The following ATG2A variants were observed in gnomAD, a reference collection of about 807,000 sequenced individuals.
The protein encoded by ATG2A is autophagy-related protein 2 homolog A.
ATG2A carries 103 observed loss-of-function variants against 214.2 expected under a neutral mutation model. The ratio of observed to expected loss-of-function variants is 0.48; its 90% confidence interval spans 0.41 to 0.57. The LOEUF is 0.57. ATG2A is among the 20% of genes least tolerant of loss of function. The probability of loss-of-function intolerance (pLI) is 0.00; values close to 1 mark genes in which losing one functional copy is unlikely to be tolerated. For synonymous variants in ATG2A, 1,160 were observed against 1,142.1 expected (o/e 1.02, Z -0.32); for missense variants, 2,312 against 2,613.2 (o/e 0.88, Z 2.51).
At chr11:64,905,698 G>C (rs1290989710) in intron 23 of ATG2A, 43 bp from the exon 24 acceptor site, 26 of 1,613,584 alleles carry the variant, frequency 1.6e-5, no homozygotes, top group Non-Finnish European at 1.9e-5. Context: ...TTACACCTGA[G>C]AGCCCATCCC....
rs778595756 is a variant in ATG2A, at chr11:64,902,699, G to A, written c.3613-19C>T. On this transcript the variant is annotated intron_variant, in intron 26 of 40. Transcript: ENST00000377264. The stretch of plus-strand genomic sequence containing the variant: ...GCTGGCTCTGCAGGGGCGGGGTGGG[G>A]GGAGCAGCTATGTGAACACAGGGGC... The A allele has an allele frequency of 3.6e-5, 58 of 1,602,102 alleles. No individual in the cohort carries two copies. The African/African-American group carries it at 7.3e-4, about 20-fold the overall frequency.
At chr11:64,897,018 T>G in intron 37 of ATG2A, 149 bp from the exon 38 acceptor site, 1 of 1,122,906 alleles carries the variant, frequency 8.9e-7, no homozygotes, top group Non-Finnish European at 1.2e-6. Flanking sequence ...GCAGAGGGAC[T>G]GTGTCCTTTT....
Position 64,902,138 on chromosome 11 carries a change from G to C in ATG2A, c.3943C>G (p.Leu1315Val). ...LPQASPISVY[L>V]FPGERSGAPP... ...GCCCCACTCCGTTCACCTGGGAATA[G>C]GTAGACGGAGATGGGCGACGCCTGA... The change falls in exon 29 of 41, where the codon CTA (leucine) becomes GTA (valine). Residue 1315 changes from leucine to valine, a missense_variant. Physicochemically the swap from Leu to Val is conservative, Grantham distance 32. Coordinates refer to ENST00000377264, the MANE Select transcript of ATG2A (RefSeq NM_015104.3). The C allele has an allele frequency of 6.2e-7, 1 of 1,613,672 alleles. No homozygotes were observed. Among genetic ancestry groups the C allele is most frequent in the Non-Finnish European group, 8.5e-7 (1 of 1,180,004 alleles).
chr11:64,906,023 C>T, intron 22 of ATG2A, 90 bp downstream of exon 22: 1 of 1,466,254 alleles, frequency 6.8e-7, no homozygotes, highest in South Asian at 1.3e-5. Context: ...CATGTTCCTC[C>T]CACCGGCCTC....
intron 16 of ATG2A, 24 bp downstream of exon 16, chr11:64,908,967 G>T: frequency 6.4e-7 from 1 of 1,551,586 alleles, no homozygotes; most frequent in East Asian, 2.4e-5. Context: ...GGGGGTCCTG[G>T]GAAGAGGTGG....
rs1421074032 is a variant in ATG2A, at chr11:64,894,695, C to T, written c.*278G>A. The T allele has an allele frequency of 2.9e-6, 2 of 682,416 alleles. No homozygotes were observed. The highest frequency in any genetic ancestry group is 3.0e-5 in the South Asian group (2 of 66,642). 42.3% of individuals were successfully genotyped at this position (682,416 alleles called of 1,614,324 possible). ...GCTGAGTGGGATGGGGTCCGAGGGT[C>T]CAAAAGCCTCCGTCCTGGGAGAAGG... On this transcript the variant is annotated 3_prime_UTR_variant, in exon 41 of 41. Transcript: ENST00000377264.
At chr11:64,908,965 T>C (rs368054683) in intron 16 of ATG2A, 26 bp downstream of exon 16, 95 of 1,550,412 alleles carry the variant, frequency 6.1e-5, no homozygotes, top group Non-Finnish European at 8.1e-5. Context: ...GAGGGGGTCC[T>C]GGGAAGAGGT....
intron 37 of ATG2A, 43 bp from the exon 38 acceptor site, chr11:64,896,912 C>A (rs111792976): frequency 6.2e-7 from 1 of 1,607,962 alleles, no homozygotes. Context: ...TGAGGCAGAG[C>A]CACACATGGA....
At chr11:64,908,016 T>C in intron 16 of ATG2A, 126 bp from the exon 17 acceptor site, 1 of 1,125,136 alleles carries the variant, frequency 8.9e-7, no homozygotes, top group Non-Finnish European at 1.3e-6. Context: ...CCTTCTCTAC[T>C]GGGGATGCAT....
Position 64,906,106 on chromosome 11 carries a change from C to A in ATG2A, c.3264+7G>T. 6.4e-7 allele frequency: 1 copy of A among 1,568,342 alleles called. No individual in the cohort carries two copies. Among genetic ancestry groups the A allele is most frequent in the Non-Finnish European group, 8.6e-7 (1 of 1,156,118 alleles). ...GGGCCATGTGGCTTCCCACCACCCA[C>A]GCTCACCTGGGAATGCCAGCTCTGC... On this transcript the variant is annotated splice_region_variant and intron_variant, in intron 22 of 40. Coordinates refer to ENST00000377264, the MANE Select transcript of ATG2A (RefSeq NM_015104.3).
In ATG2A at chr11:64,911,204, C is replaced by T. The variant is rs759230026; in HGVS notation, c.1300G>A (p.Val434Met). 6.2e-7 allele frequency: 1 copy of T among 1,614,154 alleles called. No individual in the cohort carries two copies. Among genetic ancestry groups the T allele is most frequent in the East Asian group, 2.2e-5 (1 of 44,892 alleles). ...GACGTCTGAAGCAAGGTCAGGGTCA[C>T]ACCCCCCAAGGTCATCTTCAGCAGC... ...DSLLKMTLGG[V>M]TLTLLQTSAP... Residue 434 changes from valine to methionine, a missense_variant, in exon 10 of 41, where the codon GTG becomes ATG. Physicochemically the swap from Val to Met is conservative, Grantham distance 21. Coordinates refer to ENST00000377264, the MANE Select transcript of ATG2A (RefSeq NM_015104.3).
rs1809277877 is a variant in ATG2A, at chr11:64,911,938, C to G, written c.1132G>C (p.Ala378Pro). Residue 378 changes from alanine to proline, a missense_variant, in exon 9 of 41, where the codon GCC (alanine) becomes CCC (proline). By Grantham distance (27) the Ala-to-Pro change is conservative. Coordinates refer to ENST00000377264, the MANE Select transcript of ATG2A (RefSeq NM_015104.3). ...MAGLTSSVAS[A>P]LSELSLSDVD... ...TCGGAGAGGGAGAGCTCAGAGAGGG[C>G]TGAGGCCACACTGCTTGTGAGGCCA... is the stretch of plus-strand genomic sequence containing the variant. The G allele has an allele frequency of 2.1e-5, 34 of 1,613,660 alleles. No homozygotes were observed. The highest frequency in any genetic ancestry group is 2.9e-5 in the Non-Finnish European group (34 of 1,179,794).
Position 64,911,992 on chromosome 11 carries a change from A to G in ATG2A, c.1088-10T>C, listed in dbSNP as rs2136632321. ...ATGGAGAAGAAGAGGTCTGTGGGTG[A>G]AGTGAGGAGTGTCAGGGACAGCCGA... On this transcript the variant is annotated splice_polypyrimidine_tract_variant and intron_variant, in intron 8 of 40. Transcript: ENST00000377264. 1 of 1,613,800 alleles carries G rather than the reference A, an allele frequency of 6.2e-7. No individual in the cohort carries two copies. Among genetic ancestry groups the G allele is most frequent in the Admixed American group, 1.7e-5 (1 of 59,978 alleles).
chr11:64,901,171 A>T, intron 29 of ATG2A, 79 bp from the exon 30 acceptor site: 1 of 1,410,868 alleles, frequency 7.1e-7, no homozygotes, highest in Non-Finnish European at 9.5e-7. Context: ...ACCTGGCCTC[A>T]CTTCTTTTTC....
chr11:64,900,781 C>T, intron 30 of ATG2A, 103 bp downstream of exon 30: 1 of 1,449,880 alleles, frequency 6.9e-7, no homozygotes, highest in East Asian at 2.5e-5. Context: ...TGAGGCCCAC[C>T]TGGGGTGGAT....
intron 31 of ATG2A, among the ~76,000 whole-genome samples, chr11:64,899,959 A>G (rs562853313): frequency 6.6e-6 from 1 of 151,714 alleles, no homozygotes; most frequent in Admixed American, 6.6e-5. Context: ...CTTGGGCTCA[A>G]ACAACTCTCC....
intron 9 of ATG2A, 74 bp downstream of exon 9, chr11:64,911,768 C>CT: frequency 1.3e-6 from 2 of 1,580,428 alleles, no homozygotes; most frequent in Non-Finnish European, 1.7e-6. Flanking sequence ...CTGTGTGCCT[C>CT]TGACAGCCCA....
At chr11:64,899,096 G>T (rs1430636608) in intron 31 of ATG2A, among the ~76,000 whole-genome samples, 1 of 152,174 alleles carries the variant, frequency 6.6e-6, no homozygotes, top group Admixed American at 6.5e-5. Context: ...GTAGAGACAG[G>T]GTTTCACAAC....
rs1455322749 is a variant in ATG2A, at chr11:64,913,781, C to T, written c.590+40G>A. 1.9e-6 allele frequency: 3 copies of T among 1,592,086 alleles called. No homozygotes were observed. In the South Asian group the frequency reaches 3.3e-5, roughly 18 times the overall value. On this transcript the variant is annotated intron_variant, in intron 4 of 40. Coordinates refer to ENST00000377264, the MANE Select transcript of ATG2A (RefSeq NM_015104.3). The surrounding 1 kb of genome is among the most constrained non-coding windows in gnomAD (Gnocchi z 4.3). Reference sequence around the variant, plus strand: ...GGACCATCCAGCAGCCCCCACTCCCCATCTTCACACCAGTCCACCCCAGAT... The same window carrying T: ...GGACCATCCAGCAGCCCCCACTCCCTATCTTCACACCAGTCCACCCCAGAT...
Sources: allele counts gnomAD v4.1 joint callset (sites outside exome capture counted in the v4.1 genomes callset), GRCh38; gene constraint gnomAD v4.1.1; non-coding constraint Gnocchi (gnomAD v3.1); transcripts MANE v1.5; gene names NCBI Gene and HGNC (gene_info 2026-07-23, HGNC 2026-07-21).